ZNF600: variants seen among roughly 807,000 people sequenced by gnomAD.
ZNF600 encodes the protein zinc finger protein KR-ZNF1.
ZNF600 carries 4 observed loss-of-function variants against 7.3 expected under a neutral mutation model. The observed-to-expected ratio is 0.55, with a 90% confidence interval of 0.27 to 1.25. The LOEUF (loss-of-function observed/expected upper bound fraction) is 1.25, where lower values mean the gene tolerates loss of function less well. ZNF600 is among the 50% of genes most tolerant of loss of function. The pLI, the probability that ZNF600 is intolerant of heterozygous loss-of-function variation, is 0.12. For synonymous variants in ZNF600, 290 were observed against 308.9 expected (o/e 0.94, Z 0.64); for missense variants, 911 against 922.1 (o/e 0.99, Z 0.16).
At chr19:52,767,402 A>C in exon 4 of ZNF600, 1 of 1,614,142 alleles carries the variant, frequency 6.2e-7, no homozygotes, top group Non-Finnish European at 8.5e-7. Flanking sequence ...AAACCGAGGG[A>C]GCATCACTGG....
At chr19:52,782,532 A>G (rs1395496459) in intron 1 of ZNF600, among the ~76,000 whole-genome samples, 1 of 152,076 alleles carries the variant, frequency 6.6e-6, no homozygotes, top group Admixed American at 6.5e-5. Context: ...CAAAAAAAAA[A>G]AACCGACAAC....
upstream of ZNF600, among the ~76,000 whole-genome samples, chr19:52,787,079 A>G (rs1033075731): frequency 2.6e-5 from 4 of 152,242 alleles, no homozygotes; most frequent in African/African-American, 9.6e-5. Flanking sequence ...CTGATGGCCC[A>G]CAGAACAGAA....
the ZNF600 span, chr19:52,809,701 G>C: frequency 5.6e-4 from 213 of 379,712 alleles, 1 homozygote; most frequent in African/African-American, 4.2e-3. Flanking sequence ...AGCTACTCGA[G>C]AGGCTGAGGC....
At chr19:52,809,185 C>T in the ZNF600 span, among the ~76,000 whole-genome samples, 3 of 152,096 alleles carry the variant, frequency 2.0e-5, no homozygotes, top group Non-Finnish European at 4.4e-5. Context: ...TGGAAATGCC[C>T]CATCCTAGAA....
chr19:52,800,407 A>G, the ZNF600 span: 1 of 1,613,688 alleles, frequency 6.2e-7, no homozygotes, highest in Non-Finnish European at 8.5e-7. Context: ...TCAAGGTGTG[A>G]TTTGCACCTG....
upstream of ZNF600, among the ~76,000 whole-genome samples, chr19:52,790,439 G>A (rs2062788252): frequency 6.6e-6 from 1 of 152,156 alleles, no homozygotes; most frequent in Non-Finnish European, 1.5e-5. Context: ...AGAGGTTGCA[G>A]TGAGTTGAGA....
At chr19:52,768,881 G>C (rs1244448236) in intron 3 of ZNF600, among the ~76,000 whole-genome samples, 2 of 152,056 alleles carry the variant, frequency 1.3e-5, no homozygotes, top group East Asian at 3.8e-4. Flanking sequence ...TCATTAGTTG[G>C]TAGCAATTAC....
the ZNF600 span, among the ~76,000 whole-genome samples, chr19:52,809,479 G>C: frequency 6.6e-6 from 1 of 152,202 alleles, no homozygotes; most frequent in Non-Finnish European, 1.5e-5. Flanking sequence ...TCTACTTGAG[G>C]GTGGAGGGTG....
chr19:52,783,262 C>A (rs1020065269), intron 1 of ZNF600, among the ~76,000 whole-genome samples: 2 of 152,190 alleles, frequency 1.3e-5, no homozygotes, highest in African/African-American at 4.8e-5. Flanking sequence ...ACAGAGAAAA[C>A]AACATGTCAT....
chr19:52,794,368 C>T, the ZNF600 span, among the ~76,000 whole-genome samples: 8,433 of 152,172 alleles, frequency 0.055, 287 homozygotes, highest in African/African-American at 0.09. Flanking sequence ...CAGGGGTCAG[C>T]GTCACTCTGA....
In ZNF600 at chr19:52,765,918, T is replaced by C. The variant is rs567962479; in HGVS notation, c.2045A>G (p.Asn682Ser). 7 of 1,614,144 alleles carry C rather than the reference T, an allele frequency of 4.3e-6. No homozygotes were observed. The Admixed American group carries it at 5.0e-5, about 12-fold the overall frequency. Residue 682 changes from asparagine (N) to serine (S), a missense_variant, in exon 4 of 4, where the codon AAT becomes AGT. Transcript: ENST00000648973. The stretch of plus-strand genomic sequence containing the variant: ...TTGATTAAAAGCCTTCCCACATTCA[T>C]TACACTTGTAAGGTTTCTCTGCAGT...
At chr19:52,822,327 C>T in the ZNF600 span, among the ~76,000 whole-genome samples, 1 of 152,072 alleles carries the variant, frequency 6.6e-6, no homozygotes, top group Non-Finnish European at 1.5e-5. Context: ...CTGCCTTGGC[C>T]TCCCCAAGTG....
chr19:52,792,784 G>A, the ZNF600 span, among the ~76,000 whole-genome samples: 1 of 151,614 alleles, frequency 6.6e-6, no homozygotes, highest in Non-Finnish European at 1.5e-5. Flanking sequence ...CCAGGCTGGA[G>A]TGCAGTGTTA....
chr19:52,813,249 G>GAGA, the ZNF600 span, among the ~76,000 whole-genome samples: 2 of 62,984 alleles, frequency 3.2e-5, no homozygotes, highest in Non-Finnish European at 5.5e-5. Flanking sequence ...CTTGAATGGT[G>GAGA]AAAAAAAAAA....
At chr19:52,820,304 A>G in the ZNF600 span, among the ~76,000 whole-genome samples, 1 of 133,176 alleles carries the variant, frequency 7.5e-6, no homozygotes, top group Non-Finnish European at 1.5e-5. Context: ...TTTTTAGTAG[A>G]GACGGGGTTT....
the ZNF600 span, chr19:52,800,507 C>T: frequency 6.2e-7 from 1 of 1,613,570 alleles, no homozygotes; most frequent in Non-Finnish European, 8.5e-7. Flanking sequence ...GATTAAAAAC[C>T]TTGCCACATT....
At chr19:52,799,446 T>C in the ZNF600 span, 60 of 789,980 alleles carry the variant, frequency 7.6e-5, no homozygotes, top group African/African-American at 9.1e-4. Context: ...GTAAAGTTTC[T>C]CTGCAGTATG....
the ZNF600 span, among the ~76,000 whole-genome samples, chr19:52,794,348 C>T: frequency 1.3e-5 from 2 of 152,140 alleles, no homozygotes; most frequent in African/African-American, 4.8e-5. Flanking sequence ...ACTTATTTGG[C>T]AAAGTATTTC....
At chr19:52,815,040 C>A in the ZNF600 span, among the ~76,000 whole-genome samples, 1 of 143,644 alleles carries the variant, frequency 7.0e-6, no homozygotes, top group Non-Finnish European at 1.5e-5. Context: ...TCAAAGTATA[C>A]ATGTGTGTAT....
Sources: allele counts gnomAD v4.1 joint callset (sites outside exome capture counted in the v4.1 genomes callset), GRCh38; gene constraint gnomAD v4.1.1; transcripts MANE v1.5; gene names NCBI Gene and HGNC (gene_info 2026-07-23, HGNC 2026-07-21).